DENND1B: variants seen among roughly 807,000 people sequenced by gnomAD.
DENND1B encodes the protein DENN domain-containing protein 1B.
In DENND1B, 59 loss-of-function variants were observed where a neutral mutation model predicts 90.1. The ratio of observed to expected loss-of-function variants is 0.65; its 90% CI spans 0.53 to 0.81. The LOEUF (loss-of-function observed/expected upper bound fraction) is 0.81, where lower values mean the gene tolerates loss of function less well. DENND1B is among the 40% of genes least tolerant of loss of function. DENND1B has a pLI of 0.00. For missense variants in DENND1B, 862 were observed against 912.6 expected, an observed-to-expected ratio of 0.94 and a Z score of 0.71; for synonymous variants, 337 against 324.6, an observed-to-expected ratio of 1.04 and a Z score of -0.41.
chr1:197,574,305 T>C (rs1478655620), intron 15 of DENND1B, among the ~76,000 whole-genome samples: 2 of 151,954 alleles, frequency 1.3e-5, no homozygotes, highest in African/African-American at 2.4e-5. Flanking sequence ...TAACAGACAA[T>C]CGGAGAGCCA....
chr1:197,652,336 C>T, intron 6 of DENND1B, 21 bp from the exon 7 acceptor site: 1 of 1,591,828 alleles, frequency 6.3e-7, no homozygotes, highest in South Asian at 1.1e-5. Flanking sequence ...AGAAAAAGTA[C>T]ATTTTATAAA....
intron 15 of DENND1B, among the ~76,000 whole-genome samples, chr1:197,578,145 T>A (rs1396329870): frequency 6.6e-6 from 1 of 152,106 alleles, no homozygotes; most frequent in African/African-American, 2.4e-5. Flanking sequence ...GAGAAATAGG[T>A]TTTTGAGATC....
intron 6 of DENND1B, 69 bp downstream of exon 6, chr1:197,658,231 G>A (rs2125952473): frequency 3.2e-6 from 4 of 1,239,018 alleles, no homozygotes; most frequent in East Asian, 4.7e-5. Context: ...ACTTAAAAAT[G>A]GTTAAAATGG....
chr1:197,565,967 T>C (rs906180838), intron 15 of DENND1B, among the ~76,000 whole-genome samples: 25 of 151,630 alleles, frequency 1.6e-4, no homozygotes, highest in Admixed American at 1.3e-4. Flanking sequence ...CATGTGTCTT[T>C]ATAGCAGCAT....
chr1:197,703,448 AT>A (rs942141655), intron 3 of DENND1B, among the ~76,000 whole-genome samples: 3 of 152,158 alleles, frequency 2.0e-5, no homozygotes, highest in African/African-American at 7.2e-5. Context: ...AACTTGAAAC[AT>A]TTTTTAAGAG....
chr1:197,578,726 AC>A (rs1159749972), intron 15 of DENND1B, among the ~76,000 whole-genome samples: 1 of 152,256 alleles, frequency 6.6e-6, no homozygotes, highest in African/African-American at 2.4e-5. Flanking sequence ...CAAAAATTAT[AC>A]AATTGAAATA....
At chr1:197,636,139 AT>A (rs921479315) in intron 10 of DENND1B, among the ~76,000 whole-genome samples, 1 of 151,994 alleles carries the variant, frequency 6.6e-6, no homozygotes, top group Non-Finnish European at 1.5e-5. Context: ...TAACCAATAG[AT>A]TTTTTTTATT....
At chr1:197,630,578 C>T (rs1487648252) in intron 10 of DENND1B, among the ~76,000 whole-genome samples, 1 of 152,102 alleles carries the variant, frequency 6.6e-6, no homozygotes, top group Non-Finnish European at 1.5e-5. Flanking sequence ...TACTTCACTG[C>T]TAAAAGTTTA....
intron 4 of DENND1B, among the ~76,000 whole-genome samples, chr1:197,673,783 A>G (rs1572274087): frequency 6.6e-6 from 1 of 152,120 alleles, no homozygotes. Flanking sequence ...ACATCAAGAC[A>G]TAATTCTAAG....
intron 20 of DENND1B, among the ~76,000 whole-genome samples, chr1:197,534,371 GAA>G (rs1207293312): frequency 6.6e-6 from 1 of 152,168 alleles, no homozygotes; most frequent in Non-Finnish European, 1.5e-5. Flanking sequence ...AAGACTAAAT[GAA>G]GAAAACTAAA....
intron 6 of DENND1B, among the ~76,000 whole-genome samples, chr1:197,657,222 A>G (rs1044000515): frequency 2.0e-5 from 3 of 152,214 alleles, no homozygotes; most frequent in Non-Finnish European, 4.4e-5. Context: ...CGATTCAACA[A>G]CAAAAAACGC....
intron 2 of DENND1B, among the ~76,000 whole-genome samples, chr1:197,718,914 T>C (rs1034412956): frequency 2.0e-5 from 3 of 152,044 alleles, no homozygotes; most frequent in African/African-American, 7.2e-5. Flanking sequence ...GTAGTATAAA[T>C]CAAGTTAGAA....
Position 197,772,910 on chromosome 1 carries a change from C to G in DENND1B, c.40G>C (p.Asp14His). The change falls in exon 2 of 23, where the codon GAC becomes CAC. Residue 14 changes from aspartate (D) to histidine (H), a missense_variant. Transcript: ENST00000620048. ...TGACATTTCACTTTCAACACCAAGT[C>G]AAAGGTTCTGTCTGGATTTGCCCTA... The part of the protein sequence containing the change: ...RTKANPDRTF[D>H]LVLKVKCHAS... The G allele has an allele frequency of 6.4e-7, 1 of 1,551,920 alleles. No homozygotes were observed. Among genetic ancestry groups the G allele is most frequent in the Non-Finnish European group, 8.7e-7 (1 of 1,146,998 alleles).
intron 2 of DENND1B, chr1:197,747,027 G>A: frequency 1.2e-6 from 1 of 837,090 alleles, no homozygotes; most frequent in Non-Finnish European, 2.1e-6. Context: ...TTTTAACATG[G>A]CGTTCAAATC....
At chr1:197,607,830 T>A (rs1676826547) in intron 12 of DENND1B, among the ~76,000 whole-genome samples, 1 of 150,814 alleles carries the variant, frequency 6.6e-6, no homozygotes, top group Non-Finnish European at 1.5e-5. Flanking sequence ...ATTATCTCAA[T>A]ATGTCTACAA....
intron 15 of DENND1B, among the ~76,000 whole-genome samples, chr1:197,568,971 A>G (rs1368150684): frequency 6.6e-6 from 1 of 152,154 alleles, no homozygotes; most frequent in East Asian, 1.9e-4. Flanking sequence ...TGATTACACA[A>G]AGGAAATAAC....
chr1:197,575,771 T>C (rs1230881969), intron 15 of DENND1B, among the ~76,000 whole-genome samples: 3 of 152,228 alleles, frequency 2.0e-5, no homozygotes, highest in East Asian at 3.9e-4. Flanking sequence ...GATGAGTTCA[T>C]GTCCTTTGCA....
intron 3 of DENND1B, among the ~76,000 whole-genome samples, chr1:197,701,613 G>A (rs553825454): frequency 1.3e-5 from 2 of 151,934 alleles, no homozygotes; most frequent in East Asian, 1.9e-4. Context: ...AGAAAAGCCA[G>A]AACAGCTCAC....
At chr1:197,546,692 A>G (rs1263736190) in intron 17 of DENND1B, 41 bp downstream of exon 17, 1 of 1,504,048 alleles carries the variant, frequency 6.6e-7, no homozygotes, top group Non-Finnish European at 9.0e-7. Context: ...TTCTCCATTT[A>G]TATTAGAGTG....
Sources: allele counts gnomAD v4.1 joint callset (sites outside exome capture counted in the v4.1 genomes callset), GRCh38; gene constraint gnomAD v4.1.1; transcripts MANE v1.5; gene names NCBI Gene and HGNC (gene_info 2026-07-23, HGNC 2026-07-21).